Variants in GRIK1 observed in about 807,000 individuals in gnomAD.
The protein encoded by GRIK1 is glutamate receptor ionotropic, kainate 1.
In GRIK1, 69 loss-of-function variants were observed where a neutral mutation model predicts 105.7. That is an observed-to-expected ratio of 0.65 (90% confidence interval 0.54 to 0.80). The LOEUF is 0.80. Ranked by LOEUF, GRIK1 falls within the 30% of genes least tolerant of loss-of-function variation. GRIK1 has a pLI of 0.00. For missense variants in GRIK1, 1,109 were observed against 1,167.3 expected, an observed-to-expected ratio of 0.95 and a Z score of 0.73; for synonymous variants, 438 against 431.3, an observed-to-expected ratio of 1.02 and a Z score of -0.19.
intron 1 of GRIK1, among the ~76,000 whole-genome samples, chr21:29,887,916 C>T (rs1257768968): frequency 2.0e-5 from 3 of 151,856 alleles, no homozygotes; most frequent in Non-Finnish European, 2.9e-5. Flanking sequence ...TAATGCTTTC[C>T]CAAACAAAAT....
chr21:29,729,168 G>A (rs2064547160), intron 1 of GRIK1, among the ~76,000 whole-genome samples: 2 of 152,058 alleles, frequency 1.3e-5, no homozygotes, highest in African/African-American at 2.4e-5. Context: ...TTGTAACCCT[G>A]GGCTTCAAGT....
chr21:29,625,644 T>C (rs995824778), intron 7 of GRIK1, among the ~76,000 whole-genome samples: 6 of 152,212 alleles, frequency 3.9e-5, no homozygotes, highest in Admixed American at 1.3e-4. Flanking sequence ...TCTGTTATAA[T>C]GTGACCAAAT....
At chr21:29,693,752 A>C (rs2146731493) in intron 2 of GRIK1, 144 bp downstream of exon 2, 1 of 645,570 alleles carries the variant, frequency 1.5e-6, no homozygotes, top group African/African-American at 1.8e-5. Flanking sequence ...GATTACACTG[A>C]TCAGTGACAT....
intron 3 of GRIK1, among the ~76,000 whole-genome samples, chr21:29,682,471 A>G (rs1365767656): frequency 6.6e-6 from 1 of 152,176 alleles, no homozygotes; most frequent in Non-Finnish European, 1.5e-5. Flanking sequence ...TCTTTTGCTT[A>G]CATTTTTTTT....
At chr21:29,724,877 C>T (rs1013915090) in intron 1 of GRIK1, among the ~76,000 whole-genome samples, 2 of 151,962 alleles carry the variant, frequency 1.3e-5, no homozygotes, top group African/African-American at 2.4e-5. Flanking sequence ...GGAGTTTCTT[C>T]CTTTTCTTGG....
At chr21:29,655,128 G>T (rs904858223) in intron 4 of GRIK1, among the ~76,000 whole-genome samples, 1 of 152,172 alleles carries the variant, frequency 6.6e-6, no homozygotes, top group Non-Finnish European at 1.5e-5. Flanking sequence ...AATAGTTTGG[G>T]CCAGGTGCAG....
In GRIK1 at chr21:29,930,326, G is replaced by T. The variant is rs77561653; in HGVS notation, c.118+9057C>A. 2.8e-3 allele frequency among the ~76,000 whole-genome samples: 419 copies of T among 152,166 alleles called. 3 individuals carry two copies. Among genetic ancestry groups the T allele is most frequent in the African/African-American group, 9.7e-3 (401 of 41,526 alleles). Reference sequence around the variant, plus strand: ...TCATCAGAATGCAACATCTGTTTACGGATTACTAAAGTATGTAATCCAACA... The same window carrying T: ...TCATCAGAATGCAACATCTGTTTACTGATTACTAAAGTATGTAATCCAACA... On this transcript the variant is annotated intron_variant, in intron 1 of 17. Transcript: ENST00000327783.
rs147687380 is a variant in GRIK1 at position 29,840,722 on chromosome 21, T to G, written c.118+98661A>C. Among the ~76,000 whole-genome samples the G allele has an allele frequency of 7.0e-3, 1,069 of 152,310 alleles. 13 individuals carry two copies. The highest frequency in any genetic ancestry group is 0.024 in the African/African-American group (1,016 of 41,576). On this transcript the variant is annotated intron_variant, in intron 1 of 17. Transcript: ENST00000327783. ...ATTTTTTTACACTGTGTCTGAACAATTAATGACTTTTTCTGGTAGTCTCTT... is the reference window on the plus strand; with the variant it reads ...ATTTTTTTACACTGTGTCTGAACAAGTAATGACTTTTTCTGGTAGTCTCTT...
intron 3 of GRIK1, among the ~76,000 whole-genome samples, chr21:29,688,844 T>G (rs1182795670): frequency 1.3e-5 from 2 of 151,500 alleles, no homozygotes; most frequent in Non-Finnish European, 2.9e-5. Flanking sequence ...CAAAGTGAGG[T>G]GCCAGCCTCA....
At chr21:29,907,156 T>C (rs940816422) in intron 1 of GRIK1, among the ~76,000 whole-genome samples, 45 of 152,142 alleles carry the variant, frequency 3.0e-4, no homozygotes, top group African/African-American at 1.1e-3. Context: ...TGTTTTTGTT[T>C]TTCTACTCTT....
chr21:29,859,317 T>C (rs1446766044), intron 1 of GRIK1, among the ~76,000 whole-genome samples: 2 of 151,544 alleles, frequency 1.3e-5, no homozygotes, highest in Admixed American at 1.3e-4. Context: ...TATATGTAAC[T>C]AACCTGCACG....
At chr21:29,685,170 T>C (rs576113513) in intron 3 of GRIK1, among the ~76,000 whole-genome samples, 1 of 152,242 alleles carries the variant, frequency 6.6e-6, no homozygotes, top group Non-Finnish European at 1.5e-5. Context: ...AAGCAATCTT[T>C]TTTAAAAAAC....
chr21:29,735,465 G>A (rs1184097349), intron 1 of GRIK1, among the ~76,000 whole-genome samples: 1 of 152,160 alleles, frequency 6.6e-6, no homozygotes, highest in African/African-American at 2.4e-5. Flanking sequence ...TGTCTTTAAT[G>A]TCTTCCTCAT....
intron 1 of GRIK1, among the ~76,000 whole-genome samples, chr21:29,863,922 G>C (rs769856049): frequency 5.9e-5 from 9 of 151,906 alleles, no homozygotes; most frequent in African/African-American, 1.9e-4. Flanking sequence ...TATTAGTTCG[G>C]TTTTTTCCCT....
Position 29,866,024 on chromosome 21 carries a change from G to A in GRIK1, c.118+73359C>T, listed in dbSNP as rs1021441958. 2.6e-5 allele frequency among the ~76,000 whole-genome samples: 4 copies of A among 152,106 alleles called. No homozygotes were observed. In the South Asian group the frequency reaches 6.2e-4, roughly 24 times the overall value. ...AAGGATGACTGACATCTGCTAAGAA[G>A]GGAGCACATTCCATGTTTATCATCA... On this transcript the variant is annotated intron_variant, in intron 1 of 17. Coordinates refer to ENST00000327783, the MANE Select transcript of GRIK1 (RefSeq NM_001330994.2).
chr21:29,907,547 T>C (rs925575746), intron 1 of GRIK1, among the ~76,000 whole-genome samples: 4 of 152,122 alleles, frequency 2.6e-5, no homozygotes, highest in African/African-American at 9.6e-5. Context: ...AGAGAAATGA[T>C]TGAGAAGAAT....
At chr21:29,863,873 C>T (rs1322073266) in intron 1 of GRIK1, among the ~76,000 whole-genome samples, 1 of 152,178 alleles carries the variant, frequency 6.6e-6, no homozygotes, top group Non-Finnish European at 1.5e-5. Flanking sequence ...TACAGAATTA[C>T]ATACTTCTTC....
At chr21:29,885,518 A>G (rs1176210730) in intron 1 of GRIK1, among the ~76,000 whole-genome samples, 2 of 152,072 alleles carry the variant, frequency 1.3e-5, no homozygotes, top group Non-Finnish European at 1.5e-5. Flanking sequence ...TACAGCACCT[A>G]TTTGCCATTT....
At chr21:29,814,117 A>AT (rs1459958674) in intron 1 of GRIK1, among the ~76,000 whole-genome samples, 21 of 144,812 alleles carry the variant, frequency 1.5e-4, no homozygotes, top group Admixed American at 3.5e-4. Flanking sequence ...AATAATAATT[A>AT]TTATTTTTTT....
Sources: gnomAD v4.1 joint callset for allele counts (sites outside exome capture counted in the v4.1 genomes callset) on GRCh38, gnomAD v4.1.1 for gene constraint, MANE v1.5 for transcripts, NCBI Gene and HGNC (gene_info 2026-07-23, HGNC 2026-07-21) for gene names.